GLP1R: variants seen among roughly 807,000 people sequenced by gnomAD.
GLP1R encodes the protein glucagon like peptide 1 receptor.
GLP1R carries 32 observed loss-of-function variants against 68.4 expected under a neutral mutation model. The ratio of observed to expected loss-of-function variants is 0.47; its 90% CI spans 0.35 to 0.63. The LOEUF (loss-of-function observed/expected upper bound fraction) is 0.63. Among genes scored for constraint, GLP1R ranks in the 20% least tolerant of loss-of-function variants. GLP1R has a pLI of 0.00. For synonymous variants in GLP1R, 263 were observed against 244.4 expected (o/e 1.08, Z -0.71); for missense variants, 502 against 594.9 (o/e 0.84, Z 1.62).
At position 39,056,444 on chromosome 6, in the gene GLP1R, C is replaced by G; in HGVS notation, c.126C>G (p.Tyr42Ter). 2 of 1,610,440 alleles carry G rather than the reference C, an allele frequency of 1.2e-6. No homozygotes were observed. Among genetic ancestry groups the G allele is most frequent in the Non-Finnish European group, 1.7e-6 (2 of 1,176,680 alleles). Residue 42 changes from tyrosine to a stop codon, truncating the protein, a stop_gained, in exon 2 of 13, where the codon TAC (tyrosine) becomes TAG (stop). Coordinates refer to ENST00000373256, the MANE Select transcript of GLP1R (RefSeq NM_002062.5). LOFTEE classifies it high-confidence loss of function. ...LWETVQKWRE[Y>*]RRQCQRSLTE... The stretch of plus-strand genomic sequence containing the variant: ...AGACGGTGCAGAAATGGCGAGAATA[C>G]CGACGCCAGTGCCAGCGCTCCCTGA...
Position 39,079,753 on chromosome 6 carries a change from G to A in GLP1R, c.1182+51G>A, listed in dbSNP as rs1160640838. On this transcript the variant is annotated intron_variant, in intron 11 of 12. Transcript: ENST00000373256. The surrounding 1 kb of genome is among the most constrained non-coding windows in gnomAD (Gnocchi z 4.5). ...CTTGTAAAGTCCTAGAGTGGGGGTG[G>A]GACAGACACCAGCCTGCATCATGCA... 1.3e-6 allele frequency: 2 copies of A among 1,503,880 alleles called. No homozygotes were observed. Among genetic ancestry groups the A allele is most frequent in the East Asian group, 4.6e-5 (2 of 43,944 alleles). 93.2% of individuals were successfully genotyped at this position (1,503,880 alleles called of 1,614,324 possible).
In GLP1R at chr6:39,057,536, C is replaced by T. The variant is rs145955078; in HGVS notation, c.240C>T (p.Phe80=). 1.2e-5 allele frequency: 19 copies of T among 1,612,810 alleles called. No homozygotes were observed. The highest frequency in any genetic ancestry group is 5.3e-5 in the African/African-American group (4 of 74,868). The stretch of plus-strand genomic sequence containing the variant: ...GGCCAGATGGGGAGCCAGGCTCGTT[C>T]GTGAATGTCAGCTGCCCCTGGTACC... ...ACWPDGEPGS[F]VNVSCPWYLP... is the part of the protein sequence containing the mutation. Residue 80 remains phenylalanine, a synonymous_variant, in exon 3 of 13, where the codon TTC becomes TTT. Coordinates refer to ENST00000373256, the MANE Select transcript of GLP1R (RefSeq NM_002062.5).
intron 7 of GLP1R, among the ~76,000 whole-genome samples, chr6:39,077,540 G>A (rs746096694): frequency 1.3e-4 from 20 of 152,188 alleles, no homozygotes; most frequent in Non-Finnish European, 2.1e-4. Context: ...TGCAAAACAA[G>A]CCACAGTGTC....
chr6:39,062,982 A>G (rs562108738), intron 3 of GLP1R, among the ~76,000 whole-genome samples: 10 of 152,236 alleles, frequency 6.6e-5, no homozygotes, highest in Non-Finnish European at 1.5e-4. Context: ...AATCTGCAAC[A>G]AGGCAGTGCC....
chr6:39,062,039 C>A (rs532548146), intron 3 of GLP1R, among the ~76,000 whole-genome samples: 1 of 152,180 alleles, frequency 6.6e-6, no homozygotes, highest in Non-Finnish European at 1.5e-5. Flanking sequence ...CTGGCCACCT[C>A]GTTGCCAGGG....
intron 3 of GLP1R, among the ~76,000 whole-genome samples, chr6:39,059,211 C>A (rs1263750385): frequency 6.6e-6 from 1 of 152,244 alleles, no homozygotes. Context: ...GTGCTACACT[C>A]TTTTCATCCT....
In GLP1R at chr6:39,049,187, C is replaced by G. The variant is rs1305645073; in HGVS notation, c.78+269C>G. 6.6e-6 allele frequency among the ~76,000 whole-genome samples: 1 copy of G among 152,170 alleles called. No homozygotes were observed. The highest frequency in any genetic ancestry group is 1.5e-5 in the Non-Finnish European group (1 of 68,010). On this transcript the variant is annotated intron_variant, in intron 1 of 12. Transcript: ENST00000373256. The surrounding 1 kb of genome is among the most constrained non-coding windows in gnomAD (Gnocchi z 4.5). ...CCGGGTCCCTCTGCCCGGGCACCCG[C>G]TGCCCCGCGGCCGCCCTGCGCTGAC...
Position 39,048,844 on chromosome 6 carries a change from G to T in GLP1R, c.4G>T (p.Ala2Ser). 6.8e-7 allele frequency: 1 copy of T among 1,470,780 alleles called. No homozygotes were observed. Among genetic ancestry groups the T allele is most frequent in the Admixed American group, 2.0e-5 (1 of 49,950 alleles). 91.1% of individuals were successfully genotyped at this position (1,470,780 alleles called of 1,614,324 possible). Reference sequence around the variant, plus strand: ...GCCCAGTCCTGAACTCCCCGCCATGGCCGGCGCCCCCGGCCCGCTGCGCCT... The same window carrying T: ...GCCCAGTCCTGAACTCCCCGCCATGTCCGGCGCCCCCGGCCCGCTGCGCCT... M[A>S]GAPGPLRLAL... The change falls in exon 1 of 13, where the codon GCC becomes TCC. Residue 2 changes from alanine to serine, a missense_variant. Physicochemically the swap from Ala to Ser is moderately conservative, Grantham distance 99 (BLOSUM62 1). Transcript: ENST00000373256.
chr6:39,086,000 C>T lies in GLP1R; in HGVS notation c.1319C>T (p.Thr440Ile). The change falls in exon 13 of 13, where the codon ACC becomes ATC. Residue 440 changes from threonine (T) to isoleucine (I), a missense_variant. Coordinates refer to ENST00000373256, the MANE Select transcript of GLP1R (RefSeq NM_002062.5). The part of the protein sequence containing the change: ...DSSMKPLKCP[T>I]SSLSSGATAG... ...AGCATGAAGCCCCTCAAGTGTCCCA[C>T]CAGCAGCCTGAGCAGTGGAGCCACG... 1 of 1,614,048 alleles carries T rather than the reference C, an allele frequency of 6.2e-7. No homozygotes were observed. The highest frequency in any genetic ancestry group is 1.1e-5 in the South Asian group (1 of 91,076).
intron 7 of GLP1R, among the ~76,000 whole-genome samples, chr6:39,076,623 A>C (rs1359533749): frequency 3.3e-5 from 5 of 152,126 alleles, no homozygotes; most frequent in Non-Finnish European, 4.4e-5. Flanking sequence ...CTGTCCTGGA[A>C]ATGTGCTCCA....
At chr6:39,056,361 G>A (rs774216973) in intron 1 of GLP1R, 36 bp from the exon 2 acceptor site, 2 of 1,108,534 alleles carry the variant, frequency 1.8e-6, no homozygotes, top group South Asian at 1.3e-5. Context: ...GGGGCTGGCT[G>A]AACCCACAGG....
rs1272001523 is a variant in GLP1R at position 39,082,109 on chromosome 6, G to C, written c.1224+1370G>C. Among the ~76,000 whole-genome samples, 3 of 152,218 alleles carry C rather than the reference G, an allele frequency of 2.0e-5. No individual in the cohort carries two copies. The East Asian group carries it at 5.8e-4, about 29-fold the overall frequency. On this transcript the variant is annotated intron_variant, in intron 12 of 12. Transcript: ENST00000373256. The stretch of plus-strand genomic sequence containing the variant: ...ATGCCGTGCAGAGAAAATGAGGCTG[G>C]GTGAAAGGGAAGGGAGGGGAATGTT...
intron 1 of GLP1R, among the ~76,000 whole-genome samples, chr6:39,052,422 G>T (rs1409048134): frequency 6.6e-6 from 1 of 152,134 alleles, no homozygotes; most frequent in African/African-American, 2.4e-5. Context: ...TTAGTTGGGG[G>T]ACTCCAGAAA....
intron 12 of GLP1R, among the ~76,000 whole-genome samples, chr6:39,082,321 G>T (rs374363355): frequency 6.6e-6 from 1 of 152,162 alleles, no homozygotes; most frequent in Admixed American, 6.5e-5. Context: ...AGCTAAGAAC[G>T]TTAAGCCTCA....
intron 1 of GLP1R, among the ~76,000 whole-genome samples, chr6:39,054,199 C>A (rs1768157064): frequency 6.6e-6 from 1 of 152,102 alleles, no homozygotes; most frequent in Admixed American, 6.5e-5. Flanking sequence ...AGCCTGAAGA[C>A]TCTCTCAGGC....
Position 39,049,972 on chromosome 6 carries a change from C to G in GLP1R, c.78+1054C>G, listed in dbSNP as rs1010238247. 1.4e-4 allele frequency among the ~76,000 whole-genome samples: 21 copies of G among 152,200 alleles called. No homozygotes were observed. The highest frequency in any genetic ancestry group is 4.6e-4 in the African/African-American group (19 of 41,448). ...GAGATCTGTGGGGAGTGGACCTGAACGAACCTTGAAGTTTGTCCCAGAACC... is the reference window on the plus strand; with the variant it reads ...GAGATCTGTGGGGAGTGGACCTGAAGGAACCTTGAAGTTTGTCCCAGAACC... On this transcript the variant is annotated intron_variant, in intron 1 of 12. Transcript: ENST00000373256. The surrounding 1 kb of genome is among the most constrained non-coding windows in gnomAD (Gnocchi z 4.5).
At chr6:39,081,354 T>A (rs1401654585) in intron 12 of GLP1R, among the ~76,000 whole-genome samples, 1 of 152,174 alleles carries the variant, frequency 6.6e-6, no homozygotes. Context: ...AAGTACCCCA[T>A]TCTTCATACA....
chr6:39,054,680 C>T (rs1030309080), intron 1 of GLP1R, among the ~76,000 whole-genome samples: 3 of 152,222 alleles, frequency 2.0e-5, no homozygotes, highest in Non-Finnish European at 4.4e-5. Context: ...GACACACCTT[C>T]TGCCCCAGTT....
chr6:39,085,765 T>C, intron 12 of GLP1R, 141 bp from the exon 13 acceptor site: 1 of 750,678 alleles, frequency 1.3e-6, no homozygotes, highest in South Asian at 1.8e-5. Context: ...GATATTAATT[T>C]AGGAGCCCGA....
Sources: gnomAD v4.1 joint callset for allele counts (sites outside exome capture counted in the v4.1 genomes callset) on GRCh38, gnomAD v4.1.1 for gene constraint, Gnocchi (gnomAD v3.1) non-coding constraint, MANE v1.5 for transcripts, NCBI Gene and HGNC (gene_info 2026-07-23, HGNC 2026-07-21) for gene names.